The following VDAC1 variants were observed in gnomAD, a reference collection of about 807,000 sequenced individuals.
VDAC1 encodes voltage dependent anion channel 1.
VDAC1 carries 10 observed loss-of-function variants against 34.7 expected under a neutral mutation model. The ratio of observed to expected loss-of-function variants is 0.29; its 90% CI spans 0.18 to 0.49. The LOEUF (loss-of-function observed/expected upper bound fraction) is 0.49, where lower values mean the gene tolerates loss of function less well. Ranked by LOEUF, VDAC1 falls within the 20% of genes least tolerant of loss-of-function variation. VDAC1 has a pLI of 0.99. For missense variants in VDAC1, 230 were observed against 347.9 expected (o/e 0.66, Z 2.69); for synonymous variants, 130 against 136.0 (o/e 0.96, Z 0.30).
chr5:134,080,408 G>T, the VDAC1 span, among the ~76,000 whole-genome samples: 3 of 150,956 alleles, frequency 2.0e-5, no homozygotes, highest in Non-Finnish European at 4.4e-5. Flanking sequence ...GGGACCTGGG[G>T]CAGAGCCCTT....
intron 1 of VDAC1, among the ~76,000 whole-genome samples, chr5:134,002,429 G>C (rs1431548792): frequency 6.6e-6 from 1 of 152,174 alleles, no homozygotes; most frequent in Non-Finnish European, 1.5e-5. Flanking sequence ...CCCACCATGA[G>C]GGAAGGGGTA....
At chr5:134,095,925 C>T in the VDAC1 span, among the ~76,000 whole-genome samples, 33 of 152,326 alleles carry the variant, frequency 2.2e-4, no homozygotes, top group Admixed American at 4.6e-4. Flanking sequence ...GCTTGTCTAG[C>T]TTCTAGAGAG....
chr5:134,077,788 G>C, the VDAC1 span, among the ~76,000 whole-genome samples: 1 of 152,188 alleles, frequency 6.6e-6, no homozygotes, highest in South Asian at 2.1e-4. Flanking sequence ...CCAATAATAT[G>C]TTCTTCAGAG....
chr5:134,109,956 A>T, the VDAC1 span, among the ~76,000 whole-genome samples: 1 of 152,070 alleles, frequency 6.6e-6, no homozygotes, highest in Admixed American at 6.5e-5. Context: ...AGGACCTGGC[A>T]CACAGTGGCC....
At chr5:133,992,878 T>C (rs1753159006) in intron 2 of VDAC1, 68 bp downstream of exon 2, 3 of 1,494,974 alleles carry the variant, frequency 2.0e-6, no homozygotes, top group East Asian at 2.3e-5. Context: ...TAAACAGTTA[T>C]CGGTAAAGTC....
At chr5:134,051,397 G>A in the VDAC1 span, among the ~76,000 whole-genome samples, 3 of 152,308 alleles carry the variant, frequency 2.0e-5, no homozygotes, top group Non-Finnish European at 2.9e-5. Context: ...ACTAACCAAC[G>A]TTCTTCAAAC....
At chr5:134,022,881 G>A in the VDAC1 span, among the ~76,000 whole-genome samples, 2 of 152,300 alleles carry the variant, frequency 1.3e-5, no homozygotes, top group African/African-American at 4.8e-5. Flanking sequence ...TGGTGGGAGT[G>A]TAAATTAGTT....
the VDAC1 span, among the ~76,000 whole-genome samples, chr5:134,020,643 A>G: frequency 6.8e-6 from 1 of 147,854 alleles, no homozygotes; most frequent in Non-Finnish European, 1.5e-5. Context: ...ATTATGGAAC[A>G]GGCTTCTTTT....
the VDAC1 span, among the ~76,000 whole-genome samples, chr5:134,041,503 G>A: frequency 6.6e-6 from 1 of 152,194 alleles, no homozygotes; most frequent in South Asian, 2.1e-4. Context: ...TTATCCAATG[G>A]TCCCAGGACC....
chr5:133,978,830 T>C (rs182902977), intron 6 of VDAC1, among the ~76,000 whole-genome samples: 2 of 152,132 alleles, frequency 1.3e-5, no homozygotes, highest in Non-Finnish European at 2.9e-5. Flanking sequence ...CTGGGCAACA[T>C]GGCGAAATCC....
chr5:133,978,819 C>A (rs1342555805), intron 6 of VDAC1, among the ~76,000 whole-genome samples: 1 of 152,050 alleles, frequency 6.6e-6, no homozygotes, highest in Non-Finnish European at 1.5e-5. Flanking sequence ...TCAAGAACAA[C>A]CTGGGCAACA....
chr5:134,112,530 G>A, the VDAC1 span, among the ~76,000 whole-genome samples: 100 of 152,358 alleles, frequency 6.6e-4, no homozygotes, highest in Admixed American at 1.2e-3. Context: ...AGCCAGCAGG[G>A]TGGGGAGTTG....
upstream of VDAC1, among the ~76,000 whole-genome samples, chr5:134,008,169 C>T (rs868368661): frequency 6.6e-6 from 1 of 152,026 alleles, no homozygotes; most frequent in African/African-American, 2.4e-5. Context: ...GATCCCCGCC[C>T]CGCAGGGATG....
the VDAC1 span, among the ~76,000 whole-genome samples, chr5:134,071,912 T>C: frequency 6.6e-6 from 1 of 152,136 alleles, no homozygotes; most frequent in Admixed American, 6.5e-5. This position sits in a 1 kb window ranked among gnomAD's most constrained non-coding sequence, Gnocchi z 4.1. Context: ...TCTCTGTACA[T>C]GCTCCTCTGT....
At chr5:134,113,804 G>A in the VDAC1 span, among the ~76,000 whole-genome samples, 5 of 152,240 alleles carry the variant, frequency 3.3e-5, no homozygotes, top group African/African-American at 4.8e-5. Context: ...AGGGTTAGAG[G>A]GTTAGTCAGG....
chr5:134,111,890 C>G, the VDAC1 span, among the ~76,000 whole-genome samples: 1 of 152,218 alleles, frequency 6.6e-6, no homozygotes, highest in Non-Finnish European at 1.5e-5. Flanking sequence ...GACTTCATCT[C>G]TCTGAGCTTC....
At chr5:133,987,582 GA>G (rs1308582691) in intron 5 of VDAC1, among the ~76,000 whole-genome samples, 1 of 152,082 alleles carries the variant, frequency 6.6e-6, no homozygotes, top group Non-Finnish European at 1.5e-5. Context: ...GGAGGCTGAG[GA>G]AGGAGGATTG....
chr5:134,099,114 C>G, the VDAC1 span, among the ~76,000 whole-genome samples: 1 of 152,174 alleles, frequency 6.6e-6, no homozygotes, highest in Admixed American at 6.5e-5. Context: ...GAGAGGTGGA[C>G]AGGCAGGAAA....
chr5:133,993,493 A>C (rs1753181920), intron 1 of VDAC1, among the ~76,000 whole-genome samples: 1 of 152,214 alleles, frequency 6.6e-6, no homozygotes, highest in Admixed American at 6.5e-5. Flanking sequence ...TGTGGCTCTG[A>C]TTTCATTCAT....
Sources: gnomAD v4.1 joint callset for allele counts (sites outside exome capture counted in the v4.1 genomes callset) on GRCh38, gnomAD v4.1.1 for gene constraint, Gnocchi (gnomAD v3.1) non-coding constraint, MANE v1.5 for transcripts, NCBI Gene and HGNC (gene_info 2026-07-23, HGNC 2026-07-21) for gene names.